NUP153: variants seen among roughly 807,000 people sequenced by gnomAD.
NUP153 encodes the protein nuclear pore complex protein Nup153.
NUP153 carries 27 observed loss-of-function variants against 134.6 expected under a neutral mutation model. The observed-to-expected ratio is 0.20, with a 90% confidence interval of 0.15 to 0.28. NUP153 has a LOEUF of 0.28. Among genes scored for constraint, NUP153 ranks in the 10% least tolerant of loss-of-function variants. NUP153 has a pLI of 1.00. For missense variants in NUP153, 1,821 were observed against 1,731.3 expected, an observed-to-expected ratio of 1.05 and a Z score of -0.92; for synonymous variants, 640 against 623.5, an observed-to-expected ratio of 1.03 and a Z score of -0.40.
chr6:17,617,177 C>G (rs996444633), intron 20 of NUP153, among the ~76,000 whole-genome samples: 1 of 152,172 alleles, frequency 6.6e-6, no homozygotes, highest in African/African-American at 2.4e-5. Flanking sequence ...ACATACTTGA[C>G]ACCTCCAACA....
intron 11 of NUP153, 143 bp downstream of exon 11, chr6:17,661,510 A>G (rs1229533035): frequency 2.9e-6 from 2 of 680,074 alleles, no homozygotes; most frequent in Non-Finnish European, 2.2e-6. Context: ...GGTTTTCAGC[A>G]TGCATTTTGA....
chr6:17,627,402 TTTA>T (rs1764998681), intron 18 of NUP153, among the ~76,000 whole-genome samples: 1 of 152,212 alleles, frequency 6.6e-6, no homozygotes, highest in Non-Finnish European at 1.5e-5. Flanking sequence ...GTGTTTCCAA[TTTA>T]TTATTCAAAA....
chr6:17,676,545 A>G (rs779859475), intron 2 of NUP153, among the ~76,000 whole-genome samples: 1 of 152,194 alleles, frequency 6.6e-6, no homozygotes, highest in Non-Finnish European at 1.5e-5. Flanking sequence ...ATTTTCAAAA[A>G]CTTTAGAATT....
intron 2 of NUP153, among the ~76,000 whole-genome samples, chr6:17,686,039 T>G (rs1340756639): frequency 6.6e-6 from 1 of 151,990 alleles, no homozygotes; most frequent in Non-Finnish European, 1.5e-5. Flanking sequence ...TCCCAACTAC[T>G]TGGGAGGCTG....
chr6:17,681,603 A>T (rs1490270392), intron 2 of NUP153, among the ~76,000 whole-genome samples: 1 of 152,092 alleles, frequency 6.6e-6, no homozygotes, highest in Non-Finnish European at 1.5e-5. Flanking sequence ...AAAAATAAAA[A>T]ACCAGAGATA....
chr6:17,660,862 T>C (rs1365530236), intron 11 of NUP153, among the ~76,000 whole-genome samples: 2 of 152,184 alleles, frequency 1.3e-5, no homozygotes, highest in African/African-American at 2.4e-5. Flanking sequence ...GAAAAGTGCA[T>C]ATTCACTTTA....
intron 1 of NUP153, among the ~76,000 whole-genome samples, chr6:17,696,336 G>A (rs1769641382): frequency 6.6e-6 from 1 of 152,192 alleles, no homozygotes; most frequent in Admixed American, 6.5e-5. Context: ...TACTACCAAG[G>A]AAGGCCCAAT....
intron 5 of NUP153, among the ~76,000 whole-genome samples, 154 bp downstream of exon 5, chr6:17,674,751 G>A (rs562420963): frequency 5.9e-4 from 90 of 151,558 alleles, no homozygotes; most frequent in Non-Finnish European, 6.6e-4. Context: ...CAGCCTGGGC[G>A]ACAGAGCCAA....
chr6:17,616,757 G>C, intron 20 of NUP153, 62 bp from the exon 21 acceptor site: 2 of 1,524,466 alleles, frequency 1.3e-6, no homozygotes, highest in Non-Finnish European at 1.8e-6. Context: ...TTGTTTGTTT[G>C]TTTGTTTTTT....
intron 17 of NUP153, among the ~76,000 whole-genome samples, chr6:17,632,300 AAAACAAACAAACAAAC>A: frequency 6.7e-6 from 1 of 148,846 alleles, no homozygotes; most frequent in South Asian, 2.1e-4. Context: ...AACTGTCTCA[AAAACAAACAAACAAAC>A]AAACAAAAAA....
intron 14 of NUP153, among the ~76,000 whole-genome samples, chr6:17,640,705 C>T (rs1765791343): frequency 6.6e-6 from 1 of 152,198 alleles, no homozygotes; most frequent in African/African-American, 2.4e-5. Context: ...CATCCTCAAA[C>T]TCCTGGGCTT....
At chr6:17,697,634 G>A (rs1447336938) in intron 1 of NUP153, among the ~76,000 whole-genome samples, 2 of 152,154 alleles carry the variant, frequency 1.3e-5, no homozygotes, top group Admixed American at 1.3e-4. Context: ...GTTGCAGTGA[G>A]CCGAGATCAC....
chr6:17,656,519 C>T (rs1399627898), intron 11 of NUP153, among the ~76,000 whole-genome samples: 1 of 152,066 alleles, frequency 6.6e-6, no homozygotes, highest in Non-Finnish European at 1.5e-5. Context: ...GGACCACAGG[C>T]GCTAACCACC....
At chr6:17,646,306 C>A in intron 13 of NUP153, 152 bp from the exon 14 acceptor site, 4 of 450,336 alleles carry the variant, frequency 8.9e-6, no homozygotes, top group Admixed American at 3.9e-5. Flanking sequence ...CTCCCGGGTT[C>A]ACGCCATTCT....
chr6:17,664,723 T>C (rs370408157), intron 9 of NUP153, among the ~76,000 whole-genome samples: 85 of 152,226 alleles, frequency 5.6e-4, no homozygotes, highest in African/African-American at 2.0e-3. Flanking sequence ...AATGGGTACA[T>C]GCTAGAGTTT....
intron 5 of NUP153, among the ~76,000 whole-genome samples, chr6:17,671,983 G>A (rs1294772503): frequency 1.3e-5 from 2 of 151,958 alleles, no homozygotes; most frequent in Admixed American, 1.3e-4. Context: ...ACTTCAGCTT[G>A]GGCAACAGAG....
intron 1 of NUP153, among the ~76,000 whole-genome samples, chr6:17,689,882 A>G (rs1769175107): frequency 6.6e-6 from 1 of 152,100 alleles, no homozygotes; most frequent in African/African-American, 2.4e-5. Context: ...AGCTTTCACT[A>G]TTATTTTTAT....
chr6:17,674,887 C>A lies in NUP153; in HGVS notation c.852+18G>T, dbSNP rs370415389. On this transcript the variant is annotated intron_variant, in intron 5 of 21. Transcript: ENST00000262077. ...AAAAAGAAAAAAAAAGATCATCAAC[C>A]CTTCTATTGGAACCTACCTGATAAG... is the stretch of plus-strand genomic sequence containing the variant. The A allele has an allele frequency of 7.3e-6, 11 of 1,513,818 alleles. No homozygotes were observed. Among genetic ancestry groups the A allele is most frequent in the Non-Finnish European group, 9.7e-6 (11 of 1,133,706 alleles). The allele number at this position is 1,513,818 out of a possible 1,614,324, so 93.8% of individuals were successfully genotyped here.
chr6:17,652,024 T>G, intron 11 of NUP153: 1 of 417,572 alleles, frequency 2.4e-6, no homozygotes. Flanking sequence ...CACTCCAGCC[T>G]GGGTGACAGA....
Sources: gnomAD v4.1 joint callset for allele counts (sites outside exome capture counted in the v4.1 genomes callset) on GRCh38, gnomAD v4.1.1 for gene constraint, MANE v1.5 for transcripts, NCBI Gene and HGNC (gene_info 2026-07-23, HGNC 2026-07-21) for gene names.